Variants in CFAP47 observed in about 807,000 individuals in gnomAD.
The protein encoded by CFAP47 is cilia- and flagella-associated protein 47.
Under a neutral mutation model 148.1 loss-of-function variants are expected in CFAP47, and 29 were observed. The observed-to-expected ratio is 0.20, with a 90% CI of 0.15 to 0.27. The LOEUF is 0.27. Among genes scored for constraint, CFAP47 ranks in the 10% least tolerant of loss-of-function variants. The probability of loss-of-function intolerance (pLI) is 1.00; values close to 1 mark genes in which losing one functional copy is unlikely to be tolerated. For synonymous variants in CFAP47, 664 were observed against 577.3 expected (o/e 1.15, Z -2.15); for missense variants, 1,872 against 1,697.5 (o/e 1.10, Z -1.81).
chrX:36,283,041 T>C (rs1396245035), intron 50 of CFAP47, among the ~76,000 whole-genome samples: 1 of 111,316 alleles, frequency 9.0e-6, no homozygotes, highest in African/African-American at 3.3e-5. Flanking sequence ...GTATCAATTA[T>C]GTATATTGTA....
chrX:36,271,296 T>G (rs1470078672), intron 49 of CFAP47, among the ~76,000 whole-genome samples: 2 of 111,899 alleles, frequency 1.8e-5, no homozygotes, highest in African/African-American at 6.5e-5. Flanking sequence ...GCTTCCATGG[T>G]TCACAAACTG....
chrX:36,078,130 G>T (rs1274990126), intron 29 of CFAP47, among the ~76,000 whole-genome samples: 2 of 112,117 alleles, frequency 1.8e-5, no homozygotes, highest in Non-Finnish European at 3.8e-5. Flanking sequence ...CAACTATGTG[G>T]TCAATTTTGG....
intron 33 of CFAP47, among the ~76,000 whole-genome samples, chrX:36,115,662 G>A (rs1215432756): frequency 9.0e-6 from 1 of 111,487 alleles, no homozygotes; most frequent in East Asian, 2.8e-4. Flanking sequence ...GGGAGGAACA[G>A]GATACAGTTA....
intron 21 of CFAP47, among the ~76,000 whole-genome samples, chrX:36,012,205 T>C (rs781587434): frequency 9.0e-6 from 1 of 111,667 alleles, no homozygotes; most frequent in South Asian, 3.8e-4. Flanking sequence ...GGAATGCTTT[T>C]ACACTGTTGG....
intron 7 of CFAP47, among the ~76,000 whole-genome samples, chrX:35,955,121 T>G (rs1157245439): frequency 8.9e-6 from 1 of 112,294 alleles, no homozygotes; most frequent in Admixed American, 9.5e-5. Flanking sequence ...CGTCTTCACT[T>G]GTAAGCTTGA....
intron 48 of CFAP47, among the ~76,000 whole-genome samples, chrX:36,245,327 G>T: frequency 9.0e-6 from 1 of 111,559 alleles, no homozygotes; most frequent in Non-Finnish European, 1.9e-5. Context: ...AGTAGTGGAA[G>T]ATCTAAACAG....
At chrX:36,317,867 AG>A (rs1941449412) in intron 56 of CFAP47, among the ~76,000 whole-genome samples, 1 of 111,864 alleles carries the variant, frequency 8.9e-6, no homozygotes, top group African/African-American at 3.2e-5. Flanking sequence ...CCATTTTTGA[AG>A]TGAGTAATCT....
At chrX:36,281,784 G>A (rs982900902) in intron 50 of CFAP47, among the ~76,000 whole-genome samples, 10 of 112,004 alleles carry the variant, frequency 8.9e-5, no homozygotes, top group Non-Finnish European at 1.7e-4. Context: ...CTAAAGAGTA[G>A]TATTTAGGAA....
chrX:36,197,183 A>G (rs1569286312), intron 42 of CFAP47, among the ~76,000 whole-genome samples: 1 of 112,145 alleles, frequency 8.9e-6, no homozygotes, highest in Admixed American at 9.5e-5. Context: ...TAAGATGTAG[A>G]ATTTAGTGGA....
intron 62 of CFAP47, among the ~76,000 whole-genome samples, chrX:36,376,653 T>C (rs1485042899): frequency 2.7e-5 from 3 of 111,847 alleles, no homozygotes; most frequent in Non-Finnish European, 3.8e-5. Context: ...CTTTAAGTTC[T>C]AGGGTACATG....
chrX:36,256,579 G>C lies in CFAP47; in HGVS notation c.7444+5135G>C, dbSNP rs1200154561. On this transcript the variant is annotated intron_variant, in intron 49 of 63. Coordinates refer to ENST00000378653, the MANE Select transcript of CFAP47 (RefSeq NM_001304548.2). ...CTCTGTATGAAGACGTCATCAATCA[G>C]CTTAGCTTTTTTTCAGCCTGTGAAC... Among the ~76,000 whole-genome samples the C allele has an allele frequency of 2.7e-5, 3 of 111,517 alleles. No homozygotes were observed. In the Admixed American group the frequency reaches 2.9e-4, roughly 11 times the overall value.
chrX:36,006,611 C>T (rs1040852273), intron 21 of CFAP47, among the ~76,000 whole-genome samples: 1 of 112,027 alleles, frequency 8.9e-6, no homozygotes, highest in Non-Finnish European at 1.9e-5. Context: ...AATGTGAAAT[C>T]AACAATACAT....
chrX:36,088,679 G>T (rs1242035028), intron 30 of CFAP47, among the ~76,000 whole-genome samples: 1 of 111,450 alleles, frequency 9.0e-6, no homozygotes, highest in African/African-American at 3.3e-5. Flanking sequence ...TAAATGTCTT[G>T]TTTGAGCCAC....
chrX:36,337,354 G>A (rs1175886620), intron 57 of CFAP47, among the ~76,000 whole-genome samples: 2 of 111,913 alleles, frequency 1.8e-5, no homozygotes, highest in African/African-American at 3.2e-5. Context: ...AGAAATACAG[G>A]TAAATATTAT....
rs1415618250 is a variant in CFAP47 at position 36,031,322 on chromosome X, C to A, written c.3626C>A (p.Pro1209His). ...VFEIPLHEMN[P>H]NNKVTKTQNL... ...GAAATCCCTTTACATGAGATGAATCCTAATAACAAGGTCACAAAAACTCAG... is the reference window on the plus strand; with the variant it reads ...GAAATCCCTTTACATGAGATGAATCATAATAACAAGGTCACAAAAACTCAG... The change falls in exon 23 of 64, where the codon CCT becomes CAT. Residue 1209 changes from proline to histidine, a missense_variant. By Grantham distance (77) the Pro-to-His change is moderately conservative. Transcript: ENST00000378653. The A allele has an allele frequency of 6.9e-6, 2 of 288,697 alleles. No homozygotes were observed. The highest frequency in any genetic ancestry group is 1.2e-5 in the Non-Finnish European group (2 of 165,499). The allele number at this position is 288,697 out of a possible 1,213,427, so 23.8% of individuals were successfully genotyped here.
At chrX:36,179,562 A>G (rs1320635120) in intron 40 of CFAP47, 140 bp downstream of exon 40, 2 of 261,158 alleles carry the variant, frequency 7.7e-6, no homozygotes, top group Non-Finnish European at 1.3e-5. Context: ...ACTCATATCC[A>G]AATATATATT....
chrX:36,021,701 T>A (rs1375371420), intron 22 of CFAP47, among the ~76,000 whole-genome samples: 1 of 92,194 alleles, frequency 1.1e-5, no homozygotes, highest in African/African-American at 4.1e-5. Context: ...CGATGTGTGA[T>A]GTTCCCCTCC....
chrX:36,289,840 CGA>C (rs2146950290), intron 51 of CFAP47, among the ~76,000 whole-genome samples: 2 of 111,794 alleles, frequency 1.8e-5, no homozygotes, highest in Non-Finnish European at 3.8e-5. Context: ...TCACTTCAAC[CGA>C]GAGTGGACTC....
At chrX:36,257,142 T>C (rs1055284205) in intron 49 of CFAP47, among the ~76,000 whole-genome samples, 1 of 112,070 alleles carries the variant, frequency 8.9e-6, no homozygotes, top group Admixed American at 9.5e-5. Context: ...GGAAAAAGTT[T>C]TTAGAATTTC....
Sources: gnomAD v4.1 joint callset for allele counts (sites outside exome capture counted in the v4.1 genomes callset) on GRCh38, gnomAD v4.1.1 for gene constraint, MANE v1.5 for transcripts, NCBI Gene and HGNC (gene_info 2026-07-23, HGNC 2026-07-21) for gene names.